LUZP2: variants seen among roughly 807,000 people sequenced by gnomAD.
LUZP2 encodes the protein leucine zipper protein 2.
A neutral mutation model predicts 51.6 loss-of-function variants in LUZP2; 52 were observed. The observed-to-expected ratio is 1.01, with a 90% CI of 0.81 to 1.27. The LOEUF is 1.27. Among genes scored for constraint, LUZP2 ranks in the 50% most tolerant of loss-of-function variants. The probability of loss-of-function intolerance (pLI) is 0.00; values close to 1 mark genes in which losing one functional copy is unlikely to be tolerated. For synonymous variants in LUZP2, 154 were observed against 137.3 expected, an observed-to-expected ratio of 1.12 and a Z score of -0.85; for missense variants, 436 against 395.4, an observed-to-expected ratio of 1.10 and a Z score of -0.87.
chr11:24,658,047 C>T (rs1855872350), intron 1 of LUZP2, among the ~76,000 whole-genome samples: 1 of 152,182 alleles, frequency 6.6e-6, no homozygotes, highest in African/African-American at 2.4e-5. Flanking sequence ...CTACAAATGA[C>T]TTTCTTCACA....
intron 5 of LUZP2, among the ~76,000 whole-genome samples, chr11:24,873,271 A>G (rs1320812597): frequency 1.3e-5 from 2 of 152,204 alleles, no homozygotes; most frequent in African/African-American, 4.8e-5. Flanking sequence ...TCAAAATCCT[A>G]CCTCTATCAT....
chr11:25,028,142 T>G (rs2133985553), intron 9 of LUZP2, among the ~76,000 whole-genome samples: 1 of 152,298 alleles, frequency 6.6e-6, no homozygotes, highest in East Asian at 1.9e-4. Context: ...ATACAATGCG[T>G]AATAGTCACA....
At chr11:24,895,167 G>C (rs1852998109) in intron 5 of LUZP2, among the ~76,000 whole-genome samples, 1 of 152,128 alleles carries the variant, frequency 6.6e-6, no homozygotes, top group Admixed American at 6.5e-5. Context: ...AGGAAGTTTA[G>C]GAAGTTTACC....
intron 1 of LUZP2, among the ~76,000 whole-genome samples, chr11:24,709,729 T>C (rs1338551932): frequency 6.6e-6 from 1 of 152,162 alleles, no homozygotes; most frequent in Non-Finnish European, 1.5e-5. Flanking sequence ...TATACAGCCT[T>C]CCATTGCACC....
intron 10 of LUZP2, among the ~76,000 whole-genome samples, chr11:25,066,384 A>G (rs1042152837): frequency 5.0e-4 from 76 of 152,056 alleles, no homozygotes; most frequent in African/African-American, 1.7e-3. Flanking sequence ...TGCTTATTAA[A>G]TGATACGTGG....
chr11:24,778,182 C>A (rs894823772), intron 5 of LUZP2, among the ~76,000 whole-genome samples: 3 of 152,076 alleles, frequency 2.0e-5, no homozygotes, highest in Non-Finnish European at 4.4e-5. Flanking sequence ...GAGAGGAATG[C>A]TTGAGTCCAA....
intron 1 of LUZP2, among the ~76,000 whole-genome samples, chr11:24,640,198 G>GC (rs1327924303): frequency 6.6e-6 from 1 of 151,878 alleles, no homozygotes; most frequent in Non-Finnish European, 1.5e-5. Context: ...TACAACTGGT[G>GC]TTTTTCGAAA....
At chr11:24,902,761 AAAT>A (rs1222459825) in intron 5 of LUZP2, among the ~76,000 whole-genome samples, 1 of 152,170 alleles carries the variant, frequency 6.6e-6, no homozygotes, top group East Asian at 1.9e-4. Context: ...AAAAAATATA[AAAT>A]AATATCATTT....
At chr11:24,778,614 A>G (rs996330988) in intron 5 of LUZP2, among the ~76,000 whole-genome samples, 1 of 152,166 alleles carries the variant, frequency 6.6e-6, no homozygotes, top group African/African-American at 2.4e-5. Flanking sequence ...GGATAAAAGC[A>G]TGTAAGAAAC....
At chr11:24,792,793 T>C (rs1849443585) in intron 5 of LUZP2, among the ~76,000 whole-genome samples, 1 of 152,204 alleles carries the variant, frequency 6.6e-6, no homozygotes, top group African/African-American at 2.4e-5. Flanking sequence ...TCCTACTCAA[T>C]CCACACCCTG....
At chr11:25,076,900 A>G (rs141794712) in intron 10 of LUZP2, among the ~76,000 whole-genome samples, 1 of 152,258 alleles carries the variant, frequency 6.6e-6, no homozygotes, top group East Asian at 1.9e-4. Flanking sequence ...ATTTTATGCA[A>G]GACAGATTGG....
chr11:25,009,526 A>G (rs1359820085), intron 9 of LUZP2, among the ~76,000 whole-genome samples: 1 of 152,196 alleles, frequency 6.6e-6, no homozygotes, highest in African/African-American at 2.4e-5. Flanking sequence ...AAGAAAACAT[A>G]CAAGTATCAA....
Position 24,607,197 on chromosome 11 carries a change from A to G in LUZP2, c.62+109892A>G, listed in dbSNP as rs114775888. ...CGCCTAGGCTTTTGATGTCAAATCC[A>G]AAAAAAAAAATTGTCAAAAACAATG... On this transcript the variant is annotated intron_variant, in intron 1 of 11. Transcript: ENST00000336930. 8.9e-3 allele frequency among the ~76,000 whole-genome samples: 1,264 copies of G among 141,610 alleles called. 14 individuals carry two copies. Among genetic ancestry groups the G allele is most frequent in the African/African-American group, 0.031 (1,209 of 38,394 alleles). The allele number at this position is 141,610 out of a possible 152,430, so 92.9% of individuals were successfully genotyped here. A position where few individuals can be genotyped will look rare whatever the true frequency, so the allele number is the denominator to read the frequency against.
intron 5 of LUZP2, among the ~76,000 whole-genome samples, chr11:24,806,833 T>A (rs1849868085): frequency 6.6e-6 from 1 of 151,942 alleles, no homozygotes; most frequent in African/African-American, 2.4e-5. Context: ...CTCAGAAGGG[T>A]AACTCTGATA....
chr11:24,857,709 A>AATTT, intron 5 of LUZP2, among the ~76,000 whole-genome samples: 1 of 152,030 alleles, frequency 6.6e-6, no homozygotes, highest in East Asian at 1.9e-4. Context: ...TCAGAGGGTG[A>AATTT]ACTTTAATTC....
At chr11:24,537,432 C>T (rs1176633922) in intron 1 of LUZP2, among the ~76,000 whole-genome samples, 1 of 151,818 alleles carries the variant, frequency 6.6e-6, no homozygotes, top group African/African-American at 2.4e-5. Flanking sequence ...ATACAACTCT[C>T]GAATCACGTA....
chr11:24,586,711 T>G (rs1167886393), intron 1 of LUZP2, among the ~76,000 whole-genome samples: 1 of 152,136 alleles, frequency 6.6e-6, no homozygotes, highest in Non-Finnish European at 1.5e-5. Flanking sequence ...GCAAGATGCC[T>G]TTAGTGTTAA....
intron 1 of LUZP2, among the ~76,000 whole-genome samples, chr11:24,500,942 G>A (rs571683590): frequency 6.4e-4 from 97 of 152,296 alleles, no homozygotes; most frequent in Non-Finnish European, 5.4e-4. Flanking sequence ...AGATCAACTT[G>A]ATTTGTAGAA....
At chr11:24,572,072 T>TA (rs1165560859) in intron 1 of LUZP2, among the ~76,000 whole-genome samples, 1 of 151,826 alleles carries the variant, frequency 6.6e-6, no homozygotes, top group Non-Finnish European at 1.5e-5. Context: ...TTGGATGAAA[T>TA]AAAAAACTAC....
Sources: allele counts gnomAD v4.1 joint callset (sites outside exome capture counted in the v4.1 genomes callset), GRCh38; gene constraint gnomAD v4.1.1; transcripts MANE v1.5; gene names NCBI Gene and HGNC (gene_info 2026-07-23, HGNC 2026-07-21).